Variants in CLEC16A observed in about 807,000 individuals in gnomAD.
CLEC16A encodes protein CLEC16A.
A neutral mutation model predicts 109.5 loss-of-function variants in CLEC16A; 51 were observed. The ratio of observed to expected loss-of-function variants is 0.47; its 90% confidence interval spans 0.37 to 0.59. CLEC16A has a LOEUF of 0.59. CLEC16A is among the 20% of genes least tolerant of loss of function. The pLI is 0.00. For synonymous variants in CLEC16A, 673 were observed against 564.2 expected, an observed-to-expected ratio of 1.19 and a Z score of -2.73; for missense variants, 1,339 against 1,394.0, an observed-to-expected ratio of 0.96 and a Z score of 0.63.
At chr16:11,167,407 C>T (rs980537055) in intron 23 of CLEC16A, among the ~76,000 whole-genome samples, 2 of 152,178 alleles carry the variant, frequency 1.3e-5, no homozygotes, top group Non-Finnish European at 2.9e-5. Context: ...AGAGCCCTCA[C>T]TCATCATATT....
At chr16:11,170,630 C>G (rs560394882) in intron 23 of CLEC16A, among the ~76,000 whole-genome samples, 2 of 152,210 alleles carry the variant, frequency 1.3e-5, no homozygotes, top group East Asian at 1.9e-4. Flanking sequence ...GCCTTCCAAC[C>G]TCTTAGTGGC....
At chr16:11,059,624 C>T (rs1242963800) in intron 18 of CLEC16A, among the ~76,000 whole-genome samples, 1 of 152,104 alleles carries the variant, frequency 6.6e-6, no homozygotes, top group Non-Finnish European at 1.5e-5. Context: ...AGGGCACCTC[C>T]CCTCACCTAG....
At chr16:11,152,146 A>G (rs779124217) in intron 22 of CLEC16A, among the ~76,000 whole-genome samples, 3 of 152,220 alleles carry the variant, frequency 2.0e-5, no homozygotes, top group Non-Finnish European at 4.4e-5. Flanking sequence ...GGAAGGATAA[A>G]TTTAGCCTGC....
rs142362188 is a variant in CLEC16A at position 11,161,223 on chromosome 16, T to G, written c.2642-5165T>G. Among the ~76,000 whole-genome samples the G allele has an allele frequency of 3.5e-3, 526 of 152,326 alleles. 3 individuals carry two copies. Among genetic ancestry groups the G allele is most frequent in the African/African-American group, 0.012 (507 of 41,570 alleles). ...CTAAACATCTTTGCAGTCAAATTTC[T>G]TATGCCCTGCTTAGGTAGGCCGACT... On this transcript the variant is annotated intron_variant, in intron 22 of 23. Transcript: ENST00000409790.
chr16:11,027,103 A>T, intron 13 of CLEC16A: 2 of 1,533,522 alleles, frequency 1.3e-6, no homozygotes, highest in Non-Finnish European at 1.8e-6. Context: ...CAGGCACTCA[A>T]AGCCACCCAG....
chr16:10,996,009 A>G (rs2044305680), intron 10 of CLEC16A, among the ~76,000 whole-genome samples: 1 of 152,046 alleles, frequency 6.6e-6, no homozygotes, highest in Non-Finnish European at 1.5e-5. Context: ...CCTTTACCTG[A>G]TGCCTCTGGC....
chr16:11,126,357 G>C, intron 22 of CLEC16A: 8 of 1,456,368 alleles, frequency 5.5e-6, no homozygotes, highest in Non-Finnish European at 7.2e-6. Flanking sequence ...GTTTGGTTTG[G>C]TTTTCCAGAG....
intron 15 of CLEC16A, 80 bp downstream of exon 15, chr16:11,042,443 A>G: frequency 8.7e-7 from 1 of 1,146,524 alleles, no homozygotes; most frequent in Non-Finnish European, 1.3e-6. Flanking sequence ...TGGCATCCAG[A>G]TAGGAGCCCT....
chr16:11,082,223 C>T (rs999617661), intron 19 of CLEC16A, among the ~76,000 whole-genome samples: 2 of 152,162 alleles, frequency 1.3e-5, no homozygotes, highest in East Asian at 1.9e-4. Flanking sequence ...TGTGTATGTA[C>T]ACCTGTACAC....
intron 9 of CLEC16A, among the ~76,000 whole-genome samples, chr16:10,980,543 C>T (rs2043264748): frequency 1.3e-5 from 2 of 152,056 alleles, no homozygotes; most frequent in Non-Finnish European, 2.9e-5. Context: ...GGCAGGGTCT[C>T]CTCCAGAGAG....
rs1257776206 is a variant in CLEC16A at position 11,060,993 on chromosome 16, T to C, written c.2087T>C (p.Leu696Pro). 2 of 1,611,246 alleles carry C rather than the reference T, an allele frequency of 1.2e-6. No individual in the cohort carries two copies. Among genetic ancestry groups the C allele is most frequent in the South Asian group, 1.1e-5 (1 of 90,910 alleles). ...TTGCCGCTGACTCGGGAGGAGGACC[T>C]GATCAAGACTGATGATGTCCTGGAT... ...TQLPLTREED[L>P]IKTDDVLDLN... The change falls in exon 19 of 24, where the codon CTG (leucine) becomes CCG (proline). Residue 696 changes from leucine to proline, a missense_variant. By Grantham distance (98) the Leu-to-Pro change is moderately conservative. This residue lies in a region of CLEC16A where 1,061 missense variants were observed against 1,006.8 expected (regional missense o/e 1.05). Transcript: ENST00000409790.
intron 19 of CLEC16A, among the ~76,000 whole-genome samples, chr16:11,100,864 T>C (rs1292206032): frequency 6.6e-6 from 1 of 152,222 alleles, no homozygotes; most frequent in African/African-American, 2.4e-5. Context: ...AAACAAAGTC[T>C]GTAACGGGTT....
chr16:11,136,376 C>G (rs1459726584), intron 22 of CLEC16A: 1 of 152,200 alleles, frequency 6.6e-6, no homozygotes, highest in Non-Finnish European at 1.5e-5. Context: ...GCTCTTGTGA[C>G]ATAAAATGAG....
intron 4 of CLEC16A, among the ~76,000 whole-genome samples, chr16:10,969,574 C>G (rs537655093): frequency 2.0e-5 from 3 of 152,274 alleles, no homozygotes; most frequent in East Asian, 3.9e-4. Flanking sequence ...CCTTGAACTT[C>G]CGGGGCACAA....
chr16:11,157,146 C>G (rs1027550406), intron 22 of CLEC16A: 7 of 1,272,586 alleles, frequency 5.5e-6, no homozygotes, highest in Non-Finnish European at 7.2e-6. Flanking sequence ...CTAAAAGACT[C>G]TGCAAGTTCC....
At chr16:10,981,403 T>C (rs2043314080) in intron 9 of CLEC16A, among the ~76,000 whole-genome samples, 1 of 152,222 alleles carries the variant, frequency 6.6e-6, no homozygotes, top group Non-Finnish European at 1.5e-5. Context: ...AATCATACTA[T>C]GTGGTCTCTG....
chr16:11,001,639 G>A (rs1406455168), intron 10 of CLEC16A, among the ~76,000 whole-genome samples: 1 of 152,092 alleles, frequency 6.6e-6, no homozygotes, highest in Non-Finnish European at 1.5e-5. Flanking sequence ...ATACTAATAT[G>A]AAGCATGAAC....
In CLEC16A at chr16:10,981,580, C is replaced by G. The variant is rs1198430202; in HGVS notation, c.958-1298C>G. On this transcript the variant is annotated intron_variant, in intron 9 of 23. Transcript: ENST00000409790. ...ACAAAACATGGCATGTGAAAAGTCT[C>G]TCTCACTCTATACCCTGAGCACCCA... Among the ~76,000 whole-genome samples the G allele has an allele frequency of 2.0e-5, 3 of 152,232 alleles. No individual in the cohort carries two copies. In the East Asian group the frequency reaches 5.8e-4, roughly 29 times the overall value.
At chr16:11,127,771 G>A (rs1224089208) in intron 22 of CLEC16A, among the ~76,000 whole-genome samples, 1 of 152,144 alleles carries the variant, frequency 6.6e-6, no homozygotes. Flanking sequence ...TCAGGAGGCT[G>A]AGGTGGGAGG....
Sources: allele counts gnomAD v4.1 joint callset (sites outside exome capture counted in the v4.1 genomes callset), GRCh38; gene constraint gnomAD v4.1.1; regional missense constraint gnomAD v4.1.1; transcripts MANE v1.5; gene names NCBI Gene and HGNC (gene_info 2026-07-23, HGNC 2026-07-21).